The following FBXL17 variants were observed in gnomAD, a reference collection of about 807,000 sequenced individuals.
FBXL17 encodes the protein F-box and leucine rich repeat protein 17.
FBXL17 carries 22 observed loss-of-function variants against 66.2 expected under a neutral mutation model. That is an observed-to-expected ratio of 0.33 (90% CI 0.24 to 0.47). The LOEUF is 0.47. Ranked by LOEUF, FBXL17 falls within the 20% of genes least tolerant of loss-of-function variation. The pLI is 1.00. For missense variants in FBXL17, 878 were observed against 948.2 expected, an observed-to-expected ratio of 0.93 and a Z score of 0.97; for synonymous variants, 474 against 400.5, an observed-to-expected ratio of 1.18 and a Z score of -2.19.
chr5:108,333,609 A>T (rs968769201), intron 4 of FBXL17, among the ~76,000 whole-genome samples: 5 of 152,172 alleles, frequency 3.3e-5, no homozygotes. Context: ...AAAGAAAAAC[A>T]ATATAACTGA....
intron 4 of FBXL17, among the ~76,000 whole-genome samples, chr5:108,312,761 A>T (rs1017046617): frequency 2.6e-5 from 4 of 152,142 alleles, no homozygotes; most frequent in Non-Finnish European, 4.4e-5. Flanking sequence ...CAATTTAGTT[A>T]TTCTATGTAA....
chr5:108,333,086 G>A (rs1760205946), intron 4 of FBXL17, among the ~76,000 whole-genome samples: 1 of 134,754 alleles, frequency 7.4e-6, no homozygotes, highest in African/African-American at 3.6e-5. Context: ...TAAAATGAAA[G>A]CCGAAGCAAA....
chr5:107,966,192 C>A (rs758444061), intron 7 of FBXL17, among the ~76,000 whole-genome samples: 2 of 152,132 alleles, frequency 1.3e-5, no homozygotes, highest in African/African-American at 4.8e-5. Flanking sequence ...CAAGCCATTG[C>A]GTTGGCTCTT....
chr5:108,296,367 G>A (rs1415466177), intron 4 of FBXL17, among the ~76,000 whole-genome samples: 1 of 151,808 alleles, frequency 6.6e-6, no homozygotes, highest in Non-Finnish European at 1.5e-5. Context: ...CAGTGACTTT[G>A]TTATGAAATA....
intron 5 of FBXL17, among the ~76,000 whole-genome samples, chr5:108,210,638 T>C (rs1399308593): frequency 6.6e-6 from 1 of 152,238 alleles, no homozygotes; most frequent in African/African-American, 2.4e-5. Flanking sequence ...AGTCTCTTAA[T>C]CGTGAGTTCT....
chr5:108,009,973 G>A (rs768624023), intron 7 of FBXL17, among the ~76,000 whole-genome samples: 2 of 152,028 alleles, frequency 1.3e-5, no homozygotes, highest in African/African-American at 2.4e-5. Context: ...GAAATCTACC[G>A]GTTTTCTACC....
rs117203983 is a variant in FBXL17 at position 108,229,432 on chromosome 5, T to A, written c.1507-5204A>T. 2.0e-4 allele frequency among the ~76,000 whole-genome samples: 30 copies of A among 152,242 alleles called. 1 individual carries two copies. In the East Asian group the frequency reaches 5.8e-3, roughly 29 times the overall value. ...AACTCAAATACTTACAGCCAACTGA[T>A]CTTAGACAAAGCCAACAAAAACATA... On this transcript the variant is annotated intron_variant, in intron 4 of 8. Coordinates refer to ENST00000542267, the MANE Select transcript of FBXL17 (RefSeq NM_001163315.3).
At chr5:107,986,935 T>G (rs1359722143) in intron 7 of FBXL17, among the ~76,000 whole-genome samples, 2 of 152,056 alleles carry the variant, frequency 1.3e-5, no homozygotes, top group African/African-American at 4.8e-5. Flanking sequence ...TCACTTTTTT[T>G]TTCTAATTTT....
intron 4 of FBXL17, 126 bp from the exon 5 acceptor site, chr5:108,224,354 A>T: frequency 2.1e-6 from 1 of 468,302 alleles, no homozygotes; most frequent in East Asian, 3.4e-5. Flanking sequence ...AGATCATTTG[A>T]ATCAGCATAC....
At chr5:107,919,043 A>G (rs954262857) in intron 7 of FBXL17, among the ~76,000 whole-genome samples, 3 of 152,220 alleles carry the variant, frequency 2.0e-5, no homozygotes, top group African/African-American at 7.2e-5. Context: ...TTGTTACACC[A>G]TAGTAAAACT....
intron 6 of FBXL17, among the ~76,000 whole-genome samples, chr5:108,061,529 G>T (rs544145874): frequency 6.6e-6 from 1 of 151,850 alleles, no homozygotes; most frequent in Admixed American, 6.6e-5. Flanking sequence ...GTCACAAATC[G>T]TTCAAAAGTT....
At chr5:108,346,372 T>C (rs1747280616) in intron 4 of FBXL17, among the ~76,000 whole-genome samples, 1 of 152,008 alleles carries the variant, frequency 6.6e-6, no homozygotes, top group Admixed American at 6.5e-5. Context: ...CATTTACGTA[T>C]ATAACATATT....
intron 7 of FBXL17, among the ~76,000 whole-genome samples, chr5:107,975,918 G>A (rs1040419042): frequency 3.3e-5 from 5 of 150,160 alleles, no homozygotes; most frequent in African/African-American, 1.2e-4. Context: ...GAGTGCAGTG[G>A]TGCGATCTTG....
intron 6 of FBXL17, among the ~76,000 whole-genome samples, chr5:108,160,574 T>C (rs888147387): frequency 2.6e-5 from 4 of 152,170 alleles, no homozygotes; most frequent in African/African-American, 9.7e-5. Flanking sequence ...TTATGTCCTA[T>C]GTTTAGTTGA....
intron 3 of FBXL17, 131 bp downstream of exon 3, chr5:108,364,607 A>G: frequency 1.4e-6 from 1 of 690,632 alleles, no homozygotes; most frequent in Non-Finnish European, 2.4e-6. Flanking sequence ...ACAAATATTC[A>G]TTAATAGGTA....
chr5:108,243,312 T>G (rs1755944853), intron 4 of FBXL17, among the ~76,000 whole-genome samples: 1 of 152,224 alleles, frequency 6.6e-6, no homozygotes, highest in Non-Finnish European at 1.5e-5. Flanking sequence ...TATTGCAATT[T>G]AATATTGAGA....
chr5:108,013,014 CAAAAAAAAAAA>C (rs57393639), intron 7 of FBXL17, among the ~76,000 whole-genome samples: 15 of 79,428 alleles, frequency 1.9e-4, no homozygotes, highest in Non-Finnish European at 3.3e-4. Flanking sequence ...AACTCCGTCT[CAAAAAAAAAAA>C]AAAAAAAAAA....
At chr5:108,303,907 A>C (rs1171772998) in intron 4 of FBXL17, among the ~76,000 whole-genome samples, 1 of 151,944 alleles carries the variant, frequency 6.6e-6, no homozygotes, top group Non-Finnish European at 1.5e-5. Context: ...TAGATATAAC[A>C]ACGTAACAAA....
chr5:108,225,769 T>C (rs537769765), intron 4 of FBXL17, among the ~76,000 whole-genome samples: 9 of 152,326 alleles, frequency 5.9e-5, no homozygotes, highest in African/African-American at 9.6e-5. Flanking sequence ...CTTGATCTCA[T>C]AGTAATCAAG....
Sources: gnomAD v4.1 joint callset for allele counts (sites outside exome capture counted in the v4.1 genomes callset) on GRCh38, gnomAD v4.1.1 for gene constraint, MANE v1.5 for transcripts, NCBI Gene and HGNC (gene_info 2026-07-23, HGNC 2026-07-21) for gene names.